Variants in PRKCE observed in about 807,000 individuals in gnomAD.
The protein encoded by PRKCE is protein kinase C epsilon type.
A neutral mutation model predicts 85.4 loss-of-function variants in PRKCE; 16 were observed. That is an observed-to-expected ratio of 0.19 (90% CI 0.13 to 0.28). The LOEUF (loss-of-function observed/expected upper bound fraction) is 0.28, where lower values mean the gene tolerates loss of function less well. Ranked by LOEUF, PRKCE falls within the 10% of genes least tolerant of loss-of-function variation. The probability of loss-of-function intolerance (pLI) is 1.00; values close to 1 mark genes in which losing one functional copy is unlikely to be tolerated. For missense variants in PRKCE, 573 were observed against 975.2 expected, an observed-to-expected ratio of 0.59 and a Z score of 5.49; for synonymous variants, 388 against 371.5, an observed-to-expected ratio of 1.04 and a Z score of -0.51.
intron 1 of PRKCE, among the ~76,000 whole-genome samples, chr2:45,781,063 T>A (rs1473908274): frequency 6.6e-6 from 1 of 152,114 alleles, no homozygotes; most frequent in Non-Finnish European, 1.5e-5. Context: ...CCGGGCATAG[T>A]GGCTCAAGGC....
At chr2:45,995,137 G>T (rs1380923404) in intron 6 of PRKCE, among the ~76,000 whole-genome samples, 1 of 152,020 alleles carries the variant, frequency 6.6e-6, no homozygotes. Context: ...TATTCATTTT[G>T]TTATTGTTAA....
rs1310759226 is a variant in PRKCE, at chr2:46,138,922, G to C, written c.1593-6171G>C. Among the ~76,000 whole-genome samples the C allele has an allele frequency of 6.6e-6, 1 of 152,166 alleles. No individual in the cohort carries two copies. The highest frequency in any genetic ancestry group is 1.5e-5 in the Non-Finnish European group (1 of 68,026). The stretch of plus-strand genomic sequence containing the variant: ...GGACTCAAGGGAAGCTGAAGAGCCT[G>C]GTTCTTATCACCTTCCTATAGCCCA... On this transcript the variant is annotated intron_variant, in intron 11 of 14. Coordinates refer to ENST00000306156, the MANE Select transcript of PRKCE (RefSeq NM_005400.3). The surrounding 1 kb of genome is among the most constrained non-coding windows in gnomAD (Gnocchi z 4.2).
intron 6 of PRKCE, among the ~76,000 whole-genome samples, chr2:45,987,160 C>T (rs1403080635): frequency 6.6e-6 from 1 of 151,990 alleles, no homozygotes; most frequent in Non-Finnish European, 1.5e-5. Flanking sequence ...GGCTGTGGGT[C>T]CCCAATGACC....
intron 10 of PRKCE, among the ~76,000 whole-genome samples, chr2:46,045,874 C>T (rs946921695): frequency 3.4e-5 from 5 of 148,924 alleles, no homozygotes; most frequent in African/African-American, 1.2e-4. Flanking sequence ...AACTCTGTCT[C>T]AAATAAAAAA....
At chr2:45,963,324 T>A (rs1287962909) in intron 2 of PRKCE, among the ~76,000 whole-genome samples, 2 of 152,038 alleles carry the variant, frequency 1.3e-5, no homozygotes, top group Admixed American at 6.6e-5. Context: ...TTATTTATTT[T>A]TTTAGACCGA....
In PRKCE at chr2:45,921,550, A is replaced by G. The variant is rs76621573; in HGVS notation, c.413-54879A>G. Among the ~76,000 whole-genome samples, 1,032 of 152,358 alleles carry G rather than the reference A, an allele frequency of 6.8e-3. 5 individuals are homozygous for G. Among genetic ancestry groups the G allele is most frequent in the Middle Eastern group, 0.014 (4 of 294 alleles). On this transcript the variant is annotated intron_variant, in intron 2 of 14. Transcript: ENST00000306156. Reference sequence around the variant, plus strand: ...TTTCTAGCTTAGAAAGCTCAGTTACAGAGTCACTGGGTCACATGCTCAAGG... The same window carrying G: ...TTTCTAGCTTAGAAAGCTCAGTTACGGAGTCACTGGGTCACATGCTCAAGG...
At chr2:46,133,557 T>G (rs1674671165) in intron 11 of PRKCE, among the ~76,000 whole-genome samples, 1 of 152,208 alleles carries the variant, frequency 6.6e-6, no homozygotes, top group Non-Finnish European at 1.5e-5. Flanking sequence ...TATCAGTGAT[T>G]GTAATCATGC....
At chr2:45,925,407 C>T (rs1292351651) in intron 2 of PRKCE, among the ~76,000 whole-genome samples, 1 of 152,172 alleles carries the variant, frequency 6.6e-6, no homozygotes, top group East Asian at 1.9e-4. Context: ...AGCGATTCTC[C>T]TGCCTCAGCC....
chr2:45,941,787 C>A (rs187961197), intron 2 of PRKCE, among the ~76,000 whole-genome samples: 32 of 152,234 alleles, frequency 2.1e-4, no homozygotes, highest in African/African-American at 7.5e-4. Flanking sequence ...CCACTGGAGT[C>A]CCAGAGTGGT....
chr2:46,085,751 TTTTG>T (rs1475801635), intron 10 of PRKCE, among the ~76,000 whole-genome samples: 374 of 12,492 alleles, frequency 0.03, 39 homozygotes, highest in Non-Finnish European at 0.04. Context: ...TTTTTTTTGT[TTTTG>T]TTTTTTTTTT....
chr2:46,149,245 G>A (rs542000778), intron 12 of PRKCE, among the ~76,000 whole-genome samples: 42 of 152,134 alleles, frequency 2.8e-4, no homozygotes, highest in Non-Finnish European at 5.1e-4. Flanking sequence ...CTTGTCCCCA[G>A]CCTGAGATAT....
chr2:46,085,750 TTTTTG>T (rs1260183889), intron 10 of PRKCE, among the ~76,000 whole-genome samples: 11,342 of 35,116 alleles, frequency 0.32, 2,097 homozygotes, highest in Non-Finnish European at 0.43. Context: ...TTTTTTTTTG[TTTTTG>T]TTTTTTTTTT....
intron 2 of PRKCE, among the ~76,000 whole-genome samples, chr2:45,871,397 C>T (rs1694075252): frequency 6.6e-6 from 1 of 152,226 alleles, no homozygotes; most frequent in Non-Finnish European, 1.5e-5. Flanking sequence ...GGATTATGTG[C>T]TCCAGGGAAC....
At chr2:46,183,655 G>C (rs61760003) in intron 14 of PRKCE, among the ~76,000 whole-genome samples, 1 of 152,136 alleles carries the variant, frequency 6.6e-6, no homozygotes, top group Non-Finnish European at 1.5e-5. Context: ...TAGTGAACCC[G>C]CTGCCCTGTG....
chr2:45,719,546 T>A (rs1271832628), intron 1 of PRKCE, among the ~76,000 whole-genome samples: 6 of 151,992 alleles, frequency 3.9e-5, no homozygotes, highest in African/African-American at 1.2e-4. Flanking sequence ...AGGTACTGAG[T>A]GACTGGATGG....
chr2:45,824,336 C>T (rs1028082715), intron 1 of PRKCE, among the ~76,000 whole-genome samples: 1 of 152,144 alleles, frequency 6.6e-6, no homozygotes, highest in Admixed American at 6.5e-5. Context: ...TTTCCAAAGC[C>T]CTTACCATTG....
chr2:45,977,794 A>G (rs573479262), intron 3 of PRKCE, among the ~76,000 whole-genome samples: 1 of 152,152 alleles, frequency 6.6e-6, no homozygotes, highest in South Asian at 2.1e-4. Context: ...TTCTACCCCT[A>G]GTAGTCTGAC....
chr2:45,877,053 G>T (rs1694530377), intron 2 of PRKCE, among the ~76,000 whole-genome samples: 1 of 152,012 alleles, frequency 6.6e-6, no homozygotes, highest in Non-Finnish European at 1.5e-5. Flanking sequence ...CCTTGTTTCT[G>T]GATAATATAA....
At chr2:46,156,037 AT>A (rs1254440164) in intron 13 of PRKCE, among the ~76,000 whole-genome samples, 1 of 146,614 alleles carries the variant, frequency 6.8e-6, no homozygotes, top group Non-Finnish European at 1.5e-5. Flanking sequence ...ACAAAAAAAA[AT>A]AATAAAATGT....
Sources: gnomAD v4.1 joint callset for allele counts (sites outside exome capture counted in the v4.1 genomes callset) on GRCh38, gnomAD v4.1.1 for gene constraint, Gnocchi (gnomAD v3.1) non-coding constraint, MANE v1.5 for transcripts, NCBI Gene and HGNC (gene_info 2026-07-23, HGNC 2026-07-21) for gene names.